The following PTPN3 variants were observed in gnomAD, a reference collection of about 807,000 sequenced individuals.
PTPN3 encodes the protein tyrosine-protein phosphatase non-receptor type 3.
In PTPN3, 96 loss-of-function variants were observed where a neutral mutation model predicts 132.7. The observed-to-expected ratio is 0.72, with a 90% CI of 0.61 to 0.86. The LOEUF (loss-of-function observed/expected upper bound fraction) is 0.86. Ranked by LOEUF, PTPN3 falls within the 40% of genes least tolerant of loss-of-function variation. The pLI is 0.00. For missense variants in PTPN3, 1,125 were observed against 1,159.6 expected (o/e 0.97, Z 0.43); for synonymous variants, 398 against 429.0 (o/e 0.93, Z 0.89).
intron 10 of PTPN3, among the ~76,000 whole-genome samples, chr9:109,430,121 C>A (rs1008292129): frequency 6.6e-6 from 1 of 151,992 alleles, no homozygotes; most frequent in African/African-American, 2.4e-5. Context: ...CTGGGCTCAC[C>A]CCTTCTGGAG....
the PTPN3 span, among the ~76,000 whole-genome samples, chr9:109,516,802 A>G: frequency 2.0e-5 from 3 of 152,176 alleles, no homozygotes; most frequent in Non-Finnish European, 4.4e-5. Context: ...CTGGTGGAAA[A>G]CAAGAGAAGT....
At chr9:109,489,744 T>C (rs1244147257) in intron 1 of PTPN3, among the ~76,000 whole-genome samples, 1 of 151,944 alleles carries the variant, frequency 6.6e-6, no homozygotes. Context: ...CCAGTATCCC[T>C]GCCAAACCAT....
intron 7 of PTPN3, among the ~76,000 whole-genome samples, chr9:109,438,528 C>T (rs956581806): frequency 2.6e-5 from 4 of 152,182 alleles, no homozygotes; most frequent in Non-Finnish European, 5.9e-5. Context: ...GTTCTAATCC[C>T]ACACCTCTTC....
At position 109,396,932 on chromosome 9, in the gene PTPN3, C is replaced by CA. The variant is rs1762898387; in HGVS notation, c.1954-5372dup. Among the ~76,000 whole-genome samples the CA allele has an allele frequency of 2.0e-5, 3 of 152,348 alleles. No homozygotes were observed. The South Asian group carries it at 6.2e-4, about 32-fold the overall frequency. ...TCACATCCCTCAGGTGAGAGCTTCACACCCCCAACTGGCTCTAACCAGCGG... is the reference window on the plus strand; with the variant it reads ...TCACATCCCTCAGGTGAGAGCTTCACAACCCCCAACTGGCTCTAACCAGCGG... On this transcript the variant is annotated intron_variant, in intron 19 of 25. Transcript: ENST00000374541.
intron 20 of PTPN3, 42 bp from the exon 21 acceptor site, chr9:109,391,241 T>C (rs773731708): frequency 1.9e-6 from 3 of 1,568,020 alleles, no homozygotes; most frequent in East Asian, 2.3e-5. Context: ...CCGAGCATTA[T>C]TTTTATCATA....
In PTPN3 at chr9:109,427,059, A is replaced by G. The variant is rs372409514; in HGVS notation, c.892T>C (p.Trp298Arg). 6 of 1,614,038 alleles carry G rather than the reference A, an allele frequency of 3.7e-6. No homozygotes were observed. The highest frequency in any genetic ancestry group is 2.5e-6 in the Non-Finnish European group (3 of 1,179,964). Residue 298 changes from tryptophan to arginine, a missense_variant, in exon 12 of 26, where the codon TGG (tryptophan) becomes CGG (arginine). Coordinates refer to ENST00000374541, the MANE Select transcript of PTPN3 (RefSeq NM_002829.4). Reference sequence around the variant, plus strand: ...GTATGGTGCTCAACACAGGATTTCCACAAGTTTTTGCAAGATCGGTAATTC... The same window carrying G: ...GTATGGTGCTCAACACAGGATTTCCGCAAGTTTTTGCAAGATCGGTAATTC... Reference protein sequence around the residue: ...MLNYRSCKNLWKSCVEHHTFF... With the variant: ...MLNYRSCKNLRKSCVEHHTFF...
rs780717989 is a variant in PTPN3, at chr9:109,383,428, T to A, written c.2377A>T (p.Thr793Ser). Residue 793 changes from threonine to serine, a missense_variant, in exon 23 of 26, where the codon ACC becomes TCC. By Grantham distance (58) the Thr-to-Ser change is moderately conservative. Coordinates refer to ENST00000374541, the MANE Select transcript of PTPN3 (RefSeq NM_002829.4). Reference sequence around the variant, plus strand: ...CCCCTCAGGCTGCGGCTCACCTGGGTGTTTGTGACCAGCATTTCTCGGGAC... The same window carrying A: ...CCCCTCAGGCTGCGGCTCACCTGGGAGTTTGTGACCAGCATTTCTCGGGAC... ...YVSREMLVTN[T>S]QTGEEHTVTH... 1.9e-6 allele frequency: 3 copies of A among 1,612,990 alleles called. No individual in the cohort carries two copies. In the East Asian group the frequency reaches 6.7e-5, roughly 36 times the overall value.
chr9:109,515,043 CAG>C, the PTPN3 span, among the ~76,000 whole-genome samples: 4 of 151,230 alleles, frequency 2.6e-5, no homozygotes, highest in East Asian at 7.7e-4. Context: ...TTTTTTTTGA[CAG>C]AGTCTCACTC....
chr9:109,533,557 G>A, the PTPN3 span: 3 of 1,598,030 alleles, frequency 1.9e-6, no homozygotes, highest in South Asian at 1.1e-5. Context: ...CTTCATTGCC[G>A]TCCTCTCTAG....
At chr9:109,514,523 G>A in the PTPN3 span, among the ~76,000 whole-genome samples, 1 of 152,144 alleles carries the variant, frequency 6.6e-6, no homozygotes, top group Non-Finnish European at 1.5e-5. Context: ...TAGGTTCTGG[G>A]AATACAGTGA....
At chr9:109,485,518 T>A (rs865872804) in intron 1 of PTPN3, among the ~76,000 whole-genome samples, 17 of 151,090 alleles carry the variant, frequency 1.1e-4, no homozygotes, top group South Asian at 6.3e-4. Flanking sequence ...AAGAAAAAAA[T>A]AAATAAATAA....
the PTPN3 span, among the ~76,000 whole-genome samples, chr9:109,532,065 C>G: frequency 5.8e-4 from 88 of 152,230 alleles, no homozygotes; most frequent in African/African-American, 1.8e-3. Context: ...ATGAATGAGT[C>G]TTATGTGTAA....
At chr9:109,436,809 A>G in intron 9 of PTPN3, 74 bp downstream of exon 9, 1 of 1,531,222 alleles carries the variant, frequency 6.5e-7, no homozygotes. Context: ...TAGTTTCATC[A>G]AAGAATTTTT....
intron 19 of PTPN3, among the ~76,000 whole-genome samples, chr9:109,399,708 C>T (rs921961565): frequency 1.3e-5 from 2 of 151,290 alleles, no homozygotes; most frequent in South Asian, 2.1e-4. Flanking sequence ...AACCAGCTCT[C>T]GCAGAAGGGA....
the PTPN3 span, among the ~76,000 whole-genome samples, chr9:109,525,975 G>A: frequency 6.6e-6 from 1 of 152,158 alleles, no homozygotes; most frequent in African/African-American, 2.4e-5. Flanking sequence ...TGAAGAAAAT[G>A]TGAAGTTTAT....
At chr9:109,398,036 G>T (rs557633030) in intron 19 of PTPN3, among the ~76,000 whole-genome samples, 4 of 152,248 alleles carry the variant, frequency 2.6e-5, no homozygotes, top group African/African-American at 7.2e-5. Flanking sequence ...CACTTTGTGG[G>T]GCCAAGGTGG....
At chr9:109,514,059 A>G in the PTPN3 span, among the ~76,000 whole-genome samples, 2 of 152,054 alleles carry the variant, frequency 1.3e-5, no homozygotes, top group African/African-American at 4.8e-5. Flanking sequence ...TCCAAGCCGC[A>G]TGTCCCAAGA....
rs1238589946 is a variant in PTPN3, at chr9:109,433,108, C to T, written c.729G>A (p.Val243=). Residue 243 remains valine, a synonymous_variant, in exon 10 of 26, where the codon GTG becomes GTA. Transcript: ENST00000374541. ...AACTTGTGCAAATGTATTTTCGGTA[C>T]ACAGCAACACCCGCGGAAGCAATTC... ...MIGIASAGVA[V]YRKYICTSFY... The T allele has an allele frequency of 1.9e-6, 3 of 1,614,102 alleles. No homozygotes were observed. The South Asian group carries it at 3.3e-5, about 18-fold the overall frequency.
intron 2 of PTPN3, among the ~76,000 whole-genome samples, chr9:109,461,443 C>T (rs961921261): frequency 1.3e-5 from 2 of 152,142 alleles, no homozygotes; most frequent in Admixed American, 1.3e-4. Flanking sequence ...AGACTGCTTC[C>T]ATTTTAATTA....
Sources: allele counts gnomAD v4.1 joint callset (sites outside exome capture counted in the v4.1 genomes callset), GRCh38; gene constraint gnomAD v4.1.1; transcripts MANE v1.5; gene names NCBI Gene and HGNC (gene_info 2026-07-23, HGNC 2026-07-21).